The following WDR33 variants were observed in gnomAD, a reference collection of about 807,000 sequenced individuals.
WDR33 encodes WD repeat domain 33, also known as pre-mRNA 3' end processing protein WDR33.
In WDR33, 47 loss-of-function variants were observed where a neutral mutation model predicts 164.9. The ratio of observed to expected loss-of-function variants is 0.29; its 90% CI spans 0.23 to 0.36. The LOEUF (loss-of-function observed/expected upper bound fraction) is 0.36, where lower values mean the gene tolerates loss of function less well. Among genes scored for constraint, WDR33 ranks in the 10% least tolerant of loss-of-function variants. The pLI is 1.00. For missense variants in WDR33, 1,137 were observed against 1,754.1 expected, an observed-to-expected ratio of 0.65 and a Z score of 6.28; for synonymous variants, 505 against 589.0, an observed-to-expected ratio of 0.86 and a Z score of 2.06.
chr2:127,787,460 G>A (rs1482132427), intron 1 of WDR33, among the ~76,000 whole-genome samples: 16 of 136,590 alleles, frequency 1.2e-4, no homozygotes, highest in Middle Eastern at 4.1e-3. Context: ...CTCACCTCCC[G>A]GACGGGGCAG....
intron 1 of WDR33, among the ~76,000 whole-genome samples, chr2:127,803,732 G>A (rs1399274773): frequency 1.3e-5 from 2 of 152,062 alleles, no homozygotes; most frequent in African/African-American, 4.8e-5. Flanking sequence ...ACTCCTTGGA[G>A]AAATGGGAAG....
rs1687744254 is a variant in WDR33 at position 127,763,713 on chromosome 2, AT to A, written c.627-555del. The A allele has an allele frequency of 1.0e-6, 1 of 985,558 alleles. No homozygotes were observed. Among genetic ancestry groups the A allele is most frequent in the African/African-American group, 1.7e-5 (1 of 57,244 alleles). The allele number at this position is 985,558 out of a possible 1,614,324, so 61.1% of individuals were successfully genotyped here. On this transcript the variant is annotated intron_variant, in intron 6 of 21. Coordinates refer to ENST00000322313, the MANE Select transcript of WDR33 (RefSeq NM_018383.5). The surrounding 1 kb of genome is among the most constrained non-coding windows in gnomAD (Gnocchi z 4.5). ...ATCTTCCTGGCAAGCTATTCCATGAATGTTGCACCTTTGAGGAAAACTTTAA... is the reference window on the plus strand; with the variant it reads ...ATCTTCCTGGCAAGCTATTCCATGAAGTTGCACCTTTGAGGAAAACTTTAA...
At chr2:127,792,433 G>A (rs1016641243) in intron 1 of WDR33, among the ~76,000 whole-genome samples, 1 of 151,822 alleles carries the variant, frequency 6.6e-6, no homozygotes, top group South Asian at 2.1e-4. Context: ...GGCTGAGGCG[G>A]GCAGATCACT....
intron 8 of WDR33, among the ~76,000 whole-genome samples, chr2:127,725,494 T>G (rs561849129): frequency 6.6e-6 from 1 of 152,224 alleles, no homozygotes; most frequent in Non-Finnish European, 1.5e-5. Context: ...CCCAGCACTT[T>G]GGGAAGCCTA....
At chr2:127,707,024 G>A (rs778459292) in intron 21 of WDR33, among the ~76,000 whole-genome samples, 8 of 152,162 alleles carry the variant, frequency 5.3e-5, no homozygotes, top group Non-Finnish European at 2.9e-5. Flanking sequence ...GTGACATGTG[G>A]CACTTTTGGC....
chr2:127,767,140 G>A (rs1687847236), intron 4 of WDR33, among the ~76,000 whole-genome samples: 1 of 152,018 alleles, frequency 6.6e-6, no homozygotes, highest in African/African-American at 2.4e-5. Flanking sequence ...TCTCTCCCAG[G>A]ACTTCTTGGT....
rs141528572 is a variant in WDR33, at chr2:127,709,790, A to G, written c.3375T>C (p.Pro1125=). 7.0e-5 allele frequency: 113 copies of G among 1,614,220 alleles called. No homozygotes were observed. The African/African-American group carries it at 1.3e-3, about 19-fold the overall frequency. The change falls in exon 19 of 22, where the codon CCT becomes CCC. Residue 1125 remains proline (P), a synonymous_variant. Transcript: ENST00000322313. The surrounding 1 kb of genome is among the most constrained non-coding windows in gnomAD (Gnocchi z 5.0). ...RAPPRGRDGF[P]GPEDFGPEEN... is the part of the protein sequence containing the mutation. Reference sequence around the variant, plus strand: ...CCTCTGGACCAAAGTCTTCAGGACCAGGAAAACCATCCCTTCCTCTGGGGG... The same window carrying G: ...CCTCTGGACCAAAGTCTTCAGGACCGGGAAAACCATCCCTTCCTCTGGGGG...
chr2:127,701,895 A>C lies in WDR33; in HGVS notation c.*4428T>G, dbSNP rs1007332615. The C allele has an allele frequency of 3.4e-6, 5 of 1,456,472 alleles. No homozygotes were observed. The African/African-American group carries it at 7.4e-5, about 22-fold the overall frequency. 90.2% of individuals were successfully genotyped at this position (1,456,472 alleles called of 1,614,324 possible). ...GGGCTCGGCGCTGGCGTTGGCGGGA[A>C]GCGCGCTGCTGCGGGGCGGCGCGGC... is the stretch of plus-strand genomic sequence containing the variant. On this transcript the variant is annotated 3_prime_UTR_variant, in exon 22 of 22. Transcript: ENST00000322313.
intron 7 of WDR33, among the ~76,000 whole-genome samples, chr2:127,746,659 CA>C (rs1351563230): frequency 6.6e-6 from 1 of 152,148 alleles, no homozygotes; most frequent in Non-Finnish European, 1.5e-5. Flanking sequence ...TGCTGACTCT[CA>C]GCTGAGTGAT....
At position 127,722,448 on chromosome 2, in the gene WDR33, G is replaced by A; in HGVS notation, c.1518+143C>T. ...TCAATACAACTGCAAAGCAGTAGAT[G>A]AGAACCATGTCTAAGAGTACGTGAA... On this transcript the variant is annotated intron_variant, in intron 14 of 21. Transcript: ENST00000322313. This position sits in a 1 kb window ranked among gnomAD's most constrained non-coding sequence, Gnocchi z 5.1. 5 of 1,162,404 alleles carry A rather than the reference G, an allele frequency of 4.3e-6. No homozygotes were observed. In the South Asian group the frequency reaches 8.2e-5, roughly 19 times the overall value. The allele number at this position is 1,162,404 out of a possible 1,614,324, so 72.0% of individuals were successfully genotyped here. A position where few individuals can be genotyped will look rare whatever the true frequency, so the allele number is the denominator to read the frequency against.
In WDR33 at chr2:127,706,670, A is replaced by C; in HGVS notation, c.3782-118T>G. The C allele has an allele frequency of 1.1e-6, 1 of 870,260 alleles. No homozygotes were observed. Among genetic ancestry groups the C allele is most frequent in the Non-Finnish European group, 1.7e-6 (1 of 580,556 alleles). 53.9% of individuals were successfully genotyped at this position (870,260 alleles called of 1,614,324 possible). On this transcript the variant is annotated intron_variant, in intron 21 of 21. Coordinates refer to ENST00000322313, the MANE Select transcript of WDR33 (RefSeq NM_018383.5). This position sits in a 1 kb window ranked among gnomAD's most constrained non-coding sequence, Gnocchi z 5.1. ...ACCAGTTCTGGTGGGTGCCAGGGAG[A>C]CTGGCAGTGGTATTCAGCGTACTGA...
intron 4 of WDR33, among the ~76,000 whole-genome samples, chr2:127,767,185 G>A (rs1687848823): frequency 6.6e-6 from 1 of 152,016 alleles, no homozygotes; most frequent in South Asian, 2.1e-4. Context: ...TCTGATATCA[G>A]AAGATCTGCT....
chr2:127,736,415 C>T, intron 7 of WDR33: 5 of 985,290 alleles, frequency 5.1e-6, no homozygotes, highest in Non-Finnish European at 4.8e-6. Context: ...AGTGGTAGCA[C>T]AGAAGTGTTT....
intron 1 of WDR33, among the ~76,000 whole-genome samples, chr2:127,797,796 G>A (rs937924072): frequency 2.6e-5 from 4 of 152,128 alleles, no homozygotes; most frequent in African/African-American, 7.2e-5. Flanking sequence ...TGGATCACCC[G>A]AGCTCAGAAG....
In WDR33 at chr2:127,741,463, C is replaced by T. The variant is rs964896459; in HGVS notation, c.725-14686G>A. ...TGGCAGTGGCCTGTGCTTCTCCACT[C>T]ACTTCATTAAACACACACAAACATG... On this transcript the variant is annotated intron_variant, in intron 7 of 21. Transcript: ENST00000322313. This position sits in a 1 kb window ranked among gnomAD's most constrained non-coding sequence, Gnocchi z 4.1. 6.6e-6 allele frequency among the ~76,000 whole-genome samples: 1 copy of T among 152,200 alleles called. No individual in the cohort carries two copies. Among genetic ancestry groups the T allele is most frequent in the Non-Finnish European group, 1.5e-5 (1 of 68,038 alleles).
intron 7 of WDR33, among the ~76,000 whole-genome samples, chr2:127,727,863 CAGA>C (rs1323940864): frequency 6.6e-6 from 1 of 152,118 alleles, no homozygotes; most frequent in African/African-American, 2.4e-5. Flanking sequence ...AGGAAGGATA[CAGA>C]AGAATACAGA....
At chr2:127,748,682 T>G (rs1687232418) in intron 7 of WDR33, among the ~76,000 whole-genome samples, 1 of 152,088 alleles carries the variant, frequency 6.6e-6, no homozygotes, top group African/African-American at 2.4e-5. Flanking sequence ...AGAGGTACTT[T>G]AAACAAGGGA....
In WDR33 at chr2:127,741,849, A is replaced by G. The variant is rs1389366982; in HGVS notation, c.725-15072T>C. Among the ~76,000 whole-genome samples the G allele has an allele frequency of 2.0e-5, 3 of 150,490 alleles. No individual in the cohort carries two copies. Among genetic ancestry groups the G allele is most frequent in the African/African-American group, 7.3e-5 (3 of 41,086 alleles). ...ACTACAAAACAGGCTTCCTTGAAAA[A>G]TGAAAAGATTAGAGAACCACTAGAA... On this transcript the variant is annotated intron_variant, in intron 7 of 21. Transcript: ENST00000322313. This position sits in a 1 kb window ranked among gnomAD's most constrained non-coding sequence, Gnocchi z 4.1.
chr2:127,725,296 T>A, intron 8 of WDR33, 81 bp from the exon 9 acceptor site: 1 of 1,387,942 alleles, frequency 7.2e-7, no homozygotes, highest in Non-Finnish European at 9.7e-7. Flanking sequence ...AAAAGCGAAT[T>A]AATCAAGATG....
Sources: allele counts gnomAD v4.1 joint callset (sites outside exome capture counted in the v4.1 genomes callset), GRCh38; gene constraint gnomAD v4.1.1; non-coding constraint Gnocchi (gnomAD v3.1); transcripts MANE v1.5; gene names NCBI Gene and HGNC (gene_info 2026-07-23, HGNC 2026-07-21).